Variants in ELF2 observed in about 807,000 individuals in gnomAD.
The protein encoded by ELF2 is ETS-related transcription factor Elf-2.
In ELF2, 11 loss-of-function variants were observed where a neutral mutation model predicts 54.8. The ratio of observed to expected loss-of-function variants is 0.20; its 90% CI spans 0.13 to 0.33. ELF2 has a LOEUF of 0.33. Among genes scored for constraint, ELF2 ranks in the 10% least tolerant of loss-of-function variants. The probability of loss-of-function intolerance (pLI) is 1.00; values close to 1 mark genes in which losing one functional copy is unlikely to be tolerated. For missense variants in ELF2, 513 were observed against 703.0 expected (o/e 0.73, Z 3.06); for synonymous variants, 203 against 245.1 (o/e 0.83, Z 1.61).
chr4:139,140,244 T>C (rs1738573524), intron 1 of ELF2, among the ~76,000 whole-genome samples: 1 of 152,156 alleles, frequency 6.6e-6, no homozygotes, highest in African/African-American at 2.4e-5. Context: ...CCCCACCAAC[T>C]TAGCATCAGC....
intron 4 of ELF2, among the ~76,000 whole-genome samples, chr4:139,081,238 T>C (rs1463324108): frequency 1.3e-5 from 2 of 152,136 alleles, no homozygotes; most frequent in East Asian, 3.8e-4. Flanking sequence ...TTTTAATAAA[T>C]AAGCTTATTT....
At chr4:139,096,301 A>C (rs569054208) in intron 4 of ELF2, among the ~76,000 whole-genome samples, 5 of 152,154 alleles carry the variant, frequency 3.3e-5, no homozygotes, top group Non-Finnish European at 7.4e-5. Flanking sequence ...TATCCTCTGA[A>C]ATTTTAGTAA....
At chr4:139,160,120 G>A (rs1466966690) in intron 1 of ELF2, among the ~76,000 whole-genome samples, 1 of 152,014 alleles carries the variant, frequency 6.6e-6, no homozygotes, top group African/African-American at 2.4e-5. Context: ...GGCAGATCAC[G>A]AGGTCAGGAG....
chr4:139,151,612 C>T (rs532221021), intron 1 of ELF2, among the ~76,000 whole-genome samples: 1 of 152,262 alleles, frequency 6.6e-6, no homozygotes, highest in African/African-American at 2.4e-5. Context: ...TAGGCAACTG[C>T]CATCCTTGAG....
chr4:139,114,292 G>A (rs973766067), intron 4 of ELF2, among the ~76,000 whole-genome samples: 5 of 151,736 alleles, frequency 3.3e-5, no homozygotes, highest in Admixed American at 6.6e-5. Context: ...TTTAGAGGCC[G>A]GGGCATGGTT....
At chr4:139,148,121 G>GT (rs1449814632) in intron 1 of ELF2, among the ~76,000 whole-genome samples, 3 of 147,652 alleles carry the variant, frequency 2.0e-5, no homozygotes, top group Non-Finnish European at 4.5e-5. Flanking sequence ...AAAAATTAAT[G>GT]TACTTTCTAT....
chr4:139,114,448 A>G (rs1039702986), intron 4 of ELF2, among the ~76,000 whole-genome samples: 2 of 151,924 alleles, frequency 1.3e-5, no homozygotes, highest in Non-Finnish European at 2.9e-5. Context: ...GCGCGCCTGT[A>G]ATCTCAGTTA....
rs1044024633 is a variant in ELF2, at chr4:139,139,753, T to C, written c.-251-256A>G. ...GAGGACAGAATCAACGTATGAAGCC[T>C]ATGCTCCATATTATGGGCTGCATTT... On this transcript the variant is annotated intron_variant, in intron 1 of 9. Transcript: ENST00000686138. 5.3e-5 allele frequency among the ~76,000 whole-genome samples: 8 copies of C among 152,180 alleles called. No individual in the cohort carries two copies. In the East Asian group the frequency reaches 1.5e-3, roughly 29 times the overall value.
chr4:139,061,347 G>A (rs923015864), intron 8 of ELF2, among the ~76,000 whole-genome samples: 1 of 151,816 alleles, frequency 6.6e-6, no homozygotes, highest in Non-Finnish European at 1.5e-5. Flanking sequence ...GCTAATTTTT[G>A]TATTTTTAGT....
At position 139,169,548 on chromosome 4, in the gene ELF2, C is replaced by T. The variant is rs116323279; in HGVS notation, c.-252+7419G>A. On this transcript the variant is annotated intron_variant, in intron 1 of 9. Coordinates refer to ENST00000686138, the MANE Select transcript of ELF2 (RefSeq NM_001331036.3). ...TGATTTAAAACAATGATGTAATCTT[C>T]CTCATTTTTCCTTTAAAAATCTGTC... Among the ~76,000 whole-genome samples the T allele has an allele frequency of 6.7e-3, 1,022 of 152,036 alleles. 17 individuals carry two copies. Among genetic ancestry groups the T allele is most frequent in the African/African-American group, 0.024 (990 of 41,494 alleles).
intron 4 of ELF2, among the ~76,000 whole-genome samples, chr4:139,111,941 C>A (rs1045276589): frequency 1.1e-4 from 17 of 152,180 alleles, no homozygotes; most frequent in African/African-American, 3.4e-4. Flanking sequence ...TTAAGTAATT[C>A]TTTGACTGTC....
chr4:139,058,183 A>T lies in ELF2; in HGVS notation c.*800T>A, dbSNP rs1485118064. ...AGCAAAAGGCCAGAGCCAACTGTTA[A>T]TTTGTCCACAATTAAGAAACTGACA... On this transcript the variant is annotated 3_prime_UTR_variant, in exon 10 of 10. Transcript: ENST00000686138. The T allele has an allele frequency of 3.9e-5, 6 of 152,504 alleles. No homozygotes were observed. The highest frequency in any genetic ancestry group is 8.8e-5 in the Non-Finnish European group (6 of 68,016). The allele number at this position is 152,504 out of a possible 1,614,324, so 9.4% of individuals were successfully genotyped here.
chr4:139,136,122 G>A (rs747484870), intron 3 of ELF2, among the ~76,000 whole-genome samples: 1 of 152,118 alleles, frequency 6.6e-6, no homozygotes, highest in Non-Finnish European at 1.5e-5. Flanking sequence ...TAATCTAGGA[G>A]GGGATGGCAG....
rs1727502895 is a variant in ELF2 at position 139,059,559 on chromosome 4, A to C, written c.1206T>G (p.Gly402=). Residue 402 remains glycine (G), a synonymous_variant, in exon 10 of 10, where the codon GGT becomes GGG. Coordinates refer to ENST00000686138, the MANE Select transcript of ELF2 (RefSeq NM_001331036.3). The part of the protein sequence containing the change: ...MQVPVVMTSL[G]QKISTVAVQS... ...GAACTGCCACAGTTGAAATTTTCTG[A>C]CCCAATGATGTCATTACAACAGGTA... 3 of 1,613,448 alleles carry C rather than the reference A, an allele frequency of 1.9e-6. No homozygotes were observed. The highest frequency in any genetic ancestry group is 8.5e-7 in the Non-Finnish European group (1 of 1,179,852).
intron 3 of ELF2, among the ~76,000 whole-genome samples, chr4:139,128,999 C>A (rs1404363180): frequency 6.6e-6 from 1 of 151,960 alleles, no homozygotes; most frequent in East Asian, 1.9e-4. Flanking sequence ...AGTGCAATGG[C>A]GCAATCTTGA....
rs578132475 is a variant in ELF2 at position 139,162,389 on chromosome 4, G to T, written c.-252+14578C>A. 3.5e-3 allele frequency among the ~76,000 whole-genome samples: 534 copies of T among 151,812 alleles called. 4 individuals are homozygous for T. Among genetic ancestry groups the T allele is most frequent in the African/African-American group, 0.012 (514 of 41,396 alleles). The stretch of plus-strand genomic sequence containing the variant: ...TCTACTAAACATACAAAAAATAGCT[G>T]GTGTGGTGATGGGTGCCTGTAATCC... On this transcript the variant is annotated intron_variant, in intron 1 of 9. Coordinates refer to ENST00000686138, the MANE Select transcript of ELF2 (RefSeq NM_001331036.3).
chr4:139,142,845 C>T (rs557647818), intron 1 of ELF2, among the ~76,000 whole-genome samples: 11 of 148,376 alleles, frequency 7.4e-5, no homozygotes, highest in South Asian at 2.2e-4. Flanking sequence ...CCAGTTTGGG[C>T]GACAGAGTGA....
At chr4:139,136,854 G>GCAGGGTTTCGCCATGTTAGC (rs1738222174) in intron 3 of ELF2, 1 of 151,884 alleles carries the variant, frequency 6.6e-6, no homozygotes, top group African/African-American at 2.4e-5. Flanking sequence ...TTTAGTAGAG[G>GCAGGGTTTCGCCATGTTAGC]CAGGGTTTCG....
intron 1 of ELF2, among the ~76,000 whole-genome samples, chr4:139,155,777 G>A (rs1740465010): frequency 6.6e-6 from 1 of 152,146 alleles, no homozygotes; most frequent in Admixed American, 6.5e-5. Flanking sequence ...TCGTTTTGAG[G>A]AAAACCAAGT....
Sources: gnomAD v4.1 joint callset for allele counts (sites outside exome capture counted in the v4.1 genomes callset) on GRCh38, gnomAD v4.1.1 for gene constraint, MANE v1.5 for transcripts, NCBI Gene and HGNC (gene_info 2026-07-23, HGNC 2026-07-21) for gene names.